Variants in HRH1 observed in about 807,000 individuals in gnomAD.
HRH1 encodes the protein histamine receptor H1.
In HRH1, 6 loss-of-function variants were observed where a neutral mutation model predicts 10.3. The observed-to-expected ratio is 0.58, with a 90% CI of 0.32 to 1.15. The LOEUF (loss-of-function observed/expected upper bound fraction) is 1.15. Ranked by LOEUF, HRH1 falls within the 50% of genes most tolerant of loss-of-function variation. The pLI, the probability that HRH1 is intolerant of heterozygous loss-of-function variation, is 0.05. For synonymous variants in HRH1, 242 were observed against 236.7 expected (o/e 1.02, Z -0.21); for missense variants, 514 against 615.3 (o/e 0.84, Z 1.74).
At chr3:11,139,803 G>T (rs1348347713) in intron 1 of HRH1, among the ~76,000 whole-genome samples, 1 of 152,160 alleles carries the variant, frequency 6.6e-6, no homozygotes. Flanking sequence ...TGAAAGTTCA[G>T]ATTCATGGTC....
intron 1 of HRH1, among the ~76,000 whole-genome samples, chr3:11,144,267 A>T (rs571163165): frequency 6.6e-6 from 1 of 151,824 alleles, no homozygotes; most frequent in South Asian, 2.1e-4. Context: ...TTATTGCAGC[A>T]CTATTCACAA....
chr3:11,167,996 G>A (rs1937079937), intron 1 of HRH1, among the ~76,000 whole-genome samples: 1 of 152,194 alleles, frequency 6.6e-6, no homozygotes. Flanking sequence ...ATGCAGGAGA[G>A]GAACCAAGGT....
chr3:11,192,952 A>C (rs1017556334), intron 1 of HRH1, among the ~76,000 whole-genome samples: 1 of 152,226 alleles, frequency 6.6e-6, no homozygotes, highest in African/African-American at 2.4e-5. Flanking sequence ...TCTTAGAGTC[A>C]GTCAGAGAAG....
chr3:11,233,634 A>T (rs1939099798), intron 1 of HRH1, among the ~76,000 whole-genome samples: 1 of 152,178 alleles, frequency 6.6e-6, no homozygotes, highest in Admixed American at 6.5e-5. Context: ...TCACTTAGAA[A>T]GGAACTGTGA....
intron 1 of HRH1, among the ~76,000 whole-genome samples, chr3:11,148,109 G>C (rs143831110): frequency 0.014 from 2,180 of 151,938 alleles, 21 homozygotes; most frequent in Non-Finnish European, 0.021. Context: ...GAACCCAGGA[G>C]GCGGAGGTTG....
intron 1 of HRH1, among the ~76,000 whole-genome samples, chr3:11,195,364 C>A (rs1232843727): frequency 6.6e-6 from 1 of 152,192 alleles, no homozygotes; most frequent in Non-Finnish European, 1.5e-5. Context: ...ACAGCTGTGC[C>A]TGGGGCTAGG....
intron 1 of HRH1, among the ~76,000 whole-genome samples, chr3:11,256,893 GA>G (rs1939796968): frequency 6.6e-6 from 1 of 152,156 alleles, no homozygotes; most frequent in African/African-American, 2.4e-5. Context: ...ATTATTGAGA[GA>G]AATTTACTAT....
chr3:11,242,373 C>T (rs371431823), intron 1 of HRH1, among the ~76,000 whole-genome samples: 51 of 145,274 alleles, frequency 3.5e-4, no homozygotes, highest in African/African-American at 1.2e-3. Context: ...CCCAGATATT[C>T]GGGGAGGCTG....
upstream of HRH1, among the ~76,000 whole-genome samples, chr3:11,152,278 C>T (rs958494024): frequency 3.9e-5 from 6 of 152,204 alleles, no homozygotes; most frequent in Non-Finnish European, 8.8e-5. Flanking sequence ...TTTTCTGCTG[C>T]AGCCTGTATG....
upstream of HRH1, among the ~76,000 whole-genome samples, chr3:11,151,833 G>C (rs143786871): frequency 4.6e-5 from 7 of 152,224 alleles, no homozygotes; most frequent in East Asian, 1.3e-3. Flanking sequence ...TGTGACATAG[G>C]CATTACTATT....
chr3:11,237,101 TGA>T (rs1423522714), intron 1 of HRH1, among the ~76,000 whole-genome samples: 5 of 152,236 alleles, frequency 3.3e-5, no homozygotes, highest in Non-Finnish European at 5.9e-5. Context: ...TATCCTGAAA[TGA>T]TACTTGTGTG....
In HRH1 at chr3:11,154,840, C is replaced by CT. The variant is rs1318369977; in HGVS notation, c.-36+287dup. 6.6e-6 allele frequency among the ~76,000 whole-genome samples: 1 copy of CT among 152,148 alleles called. No homozygotes were observed. Among genetic ancestry groups the CT allele is most frequent in the Non-Finnish European group, 1.5e-5 (1 of 68,024 alleles). ...CCCGGGCTTGGGCAGGGTGCGCGCC[C>CT]TGAGCGTCCGTCTTTGAGCTCGGGC... On this transcript the variant is annotated intron_variant, in intron 1 of 1. Coordinates refer to ENST00000431010, the MANE Select transcript of HRH1 (RefSeq NM_001098212.2). The surrounding 1 kb of genome is among the most constrained non-coding windows in gnomAD (Gnocchi z 4.4).
chr3:11,257,924 A>T (rs981957311), intron 1 of HRH1, among the ~76,000 whole-genome samples: 2 of 151,992 alleles, frequency 1.3e-5, no homozygotes, highest in African/African-American at 4.8e-5. Flanking sequence ...CAATCCTCCC[A>T]CCTCAGACTC....
At chr3:11,152,623 TC>T (rs1480665984), upstream of HRH1, among the ~76,000 whole-genome samples, 1 of 29,986 alleles carries the variant, frequency 3.3e-5, no homozygotes, top group Admixed American at 3.1e-4. Flanking sequence ...CCTGCCCCCA[TC>T]CCCCCTCCCA....
chr3:11,256,326 A>C (rs1377759441), intron 1 of HRH1, among the ~76,000 whole-genome samples: 1 of 152,124 alleles, frequency 6.6e-6, no homozygotes, highest in Non-Finnish European at 1.5e-5. Flanking sequence ...ATCCCACCCT[A>C]CCCATTTGAC....
At chr3:11,207,486 G>A (rs60085324) in intron 1 of HRH1, among the ~76,000 whole-genome samples, 13,812 of 152,006 alleles carry the variant, frequency 0.091, 1,155 homozygotes, top group African/African-American at 0.22. Flanking sequence ...GGAGAATGGC[G>A]TGAACCTGGG....
chr3:11,218,309 G>C (rs540669823), intron 1 of HRH1, among the ~76,000 whole-genome samples: 1 of 151,816 alleles, frequency 6.6e-6, no homozygotes, highest in Non-Finnish European at 1.5e-5. Context: ...TTAGCCAGGC[G>C]TGGTGGCAGG....
chr3:11,229,176 C>T (rs1223552881), intron 1 of HRH1, among the ~76,000 whole-genome samples: 4 of 152,156 alleles, frequency 2.6e-5, no homozygotes, highest in African/African-American at 9.7e-5. Flanking sequence ...ATTCTTCTCA[C>T]CTACTTTGTT....
At chr3:11,158,656 A>G (rs928715110) in intron 1 of HRH1, among the ~76,000 whole-genome samples, 1 of 152,026 alleles carries the variant, frequency 6.6e-6, no homozygotes, top group Non-Finnish European at 1.5e-5. Context: ...ATCTTTTGTT[A>G]TATATATTTC....
Sources: gnomAD v4.1 joint callset for allele counts (sites outside exome capture counted in the v4.1 genomes callset) on GRCh38, gnomAD v4.1.1 for gene constraint, Gnocchi (gnomAD v3.1) non-coding constraint, MANE v1.5 for transcripts, NCBI Gene and HGNC (gene_info 2026-07-23, HGNC 2026-07-21) for gene names.